ABLIM1: variants seen among roughly 807,000 people sequenced by gnomAD.
ABLIM1 encodes actin-binding LIM protein 1.
Under a neutral mutation model 107.0 loss-of-function variants are expected in ABLIM1, and 40 were observed. The ratio of observed to expected loss-of-function variants is 0.37; its 90% confidence interval spans 0.29 to 0.49. ABLIM1 has a LOEUF of 0.49. Ranked by LOEUF, ABLIM1 falls within the 20% of genes least tolerant of loss-of-function variation. The pLI is 0.97. For missense variants in ABLIM1, 857 were observed against 1,008.5 expected (o/e 0.85, Z 2.04); for synonymous variants, 357 against 357.3 (o/e 1.00, Z 0.01).
At chr10:114,711,558 G>C (rs938540536) in intron 1 of ABLIM1, among the ~76,000 whole-genome samples, 1 of 152,166 alleles carries the variant, frequency 6.6e-6, no homozygotes, top group African/African-American at 2.4e-5. Flanking sequence ...AATCAAACTG[G>C]AGAACTTGAA....
At chr10:114,553,631 C>A (rs1331426815) in intron 4 of ABLIM1, among the ~76,000 whole-genome samples, 1 of 152,200 alleles carries the variant, frequency 6.6e-6, no homozygotes, top group African/African-American at 2.4e-5. Flanking sequence ...GAAGGAGGAA[C>A]AGCCTCCCAC....
intron 1 of ABLIM1, among the ~76,000 whole-genome samples, chr10:114,630,456 C>A (rs1434767456): frequency 6.6e-6 from 1 of 152,148 alleles, no homozygotes; most frequent in Non-Finnish European, 1.5e-5. Context: ...ACTCAATTAC[C>A]ATTTACCCAC....
intron 6 of ABLIM1, among the ~76,000 whole-genome samples, chr10:114,508,178 G>A (rs2061407589): frequency 1.3e-5 from 2 of 151,584 alleles, no homozygotes; most frequent in African/African-American, 2.4e-5. Flanking sequence ...TGGGACAAAC[G>A]TATCACAAAT....
At chr10:114,773,918 T>C in the ABLIM1 span, among the ~76,000 whole-genome samples, 1 of 150,694 alleles carries the variant, frequency 6.6e-6, no homozygotes, top group Non-Finnish European at 1.5e-5. Flanking sequence ...AAGTATGAGA[T>C]AGAAGCAAGA....
At chr10:114,448,895 C>T (rs972016497) in intron 14 of ABLIM1, among the ~76,000 whole-genome samples, 1 of 152,162 alleles carries the variant, frequency 6.6e-6, no homozygotes, top group African/African-American at 2.4e-5. Context: ...CAGGCATGGG[C>T]CACCACACCC....
At chr10:114,747,404 T>C (rs1304319319) in intron 1 of ABLIM1, among the ~76,000 whole-genome samples, 1 of 152,136 alleles carries the variant, frequency 6.6e-6, no homozygotes, top group Admixed American at 6.5e-5. Flanking sequence ...TGTGCCTGTC[T>C]CTCCGCTCTG....
upstream of ABLIM1, among the ~76,000 whole-genome samples, chr10:114,772,030 G>A (rs1299258868): frequency 6.6e-6 from 1 of 152,100 alleles, no homozygotes; most frequent in Non-Finnish European, 1.5e-5. Context: ...AGCTTCTCAT[G>A]AGTAGCATGA....
intron 1 of ABLIM1, among the ~76,000 whole-genome samples, chr10:114,683,687 C>T (rs1372056051): frequency 6.6e-6 from 1 of 152,118 alleles, no homozygotes; most frequent in African/African-American, 2.4e-5. Context: ...TTAAGGGGTC[C>T]AGTATCAAAG....
chr10:114,506,149 TA>T (rs1193546318), intron 6 of ABLIM1, among the ~76,000 whole-genome samples: 1 of 152,240 alleles, frequency 6.6e-6, no homozygotes, highest in Non-Finnish European at 1.5e-5. Context: ...TCACCTAGGA[TA>T]ACAGCCTCCA....
chr10:114,491,004 G>GTA (rs1397165080), intron 7 of ABLIM1, among the ~76,000 whole-genome samples: 62 of 79,624 alleles, frequency 7.8e-4, no homozygotes, highest in Admixed American at 1.5e-3. Flanking sequence ...GTGTGTGTGT[G>GTA]TGTGTGTGTA....
intron 6 of ABLIM1, among the ~76,000 whole-genome samples, chr10:114,505,478 A>T (rs1412552360): frequency 2.0e-5 from 3 of 152,214 alleles, no homozygotes. Flanking sequence ...GCTCTGAGGG[A>T]ATCAGTTCTC....
At chr10:114,600,246 G>T (rs751603384) in intron 2 of ABLIM1, among the ~76,000 whole-genome samples, 1 of 152,124 alleles carries the variant, frequency 6.6e-6, no homozygotes, top group South Asian at 2.1e-4. Context: ...ATTTCCTCAT[G>T]GCCATCTTGG....
chr10:114,734,361 T>C (rs1055981882), intron 1 of ABLIM1, among the ~76,000 whole-genome samples: 1 of 152,220 alleles, frequency 6.6e-6, no homozygotes, highest in Non-Finnish European at 1.5e-5. Context: ...GCTAAATCCA[T>C]AACCTCACAT....
chr10:114,558,228 C>T (rs761406041), intron 4 of ABLIM1, among the ~76,000 whole-genome samples: 14 of 152,082 alleles, frequency 9.2e-5, no homozygotes, highest in Admixed American at 2.6e-4. Flanking sequence ...CCCATATCCA[C>T]GACCAGGATG....
chr10:114,557,574 A>G (rs1467990679), intron 4 of ABLIM1, among the ~76,000 whole-genome samples: 1 of 151,378 alleles, frequency 6.6e-6, no homozygotes, highest in African/African-American at 2.4e-5. Flanking sequence ...GCCATTGCAC[A>G]TTTTGAATTT....
In ABLIM1 at chr10:114,473,108, C is replaced by A; in HGVS notation, c.1144G>T (p.Asp382Tyr). The A allele has an allele frequency of 6.2e-7, 1 of 1,611,434 alleles. No homozygotes were observed. Among genetic ancestry groups the A allele is most frequent in the Non-Finnish European group, 8.5e-7 (1 of 1,178,642 alleles). The change falls in exon 10 of 23, where the codon GAT becomes TAT. Residue 382 changes from aspartate to tyrosine, a missense_variant. By Grantham distance (160) the Asp-to-Tyr change is radical (BLOSUM62 -3). Around this residue, in one of 5 missense-constraint regions of ABLIM1, gnomAD observed 381 missense variants for 506.9 expected, o/e 0.75. Transcript: ENST00000533213. ...IYAKVDNEILDYKDLAAIPKV... is the reference protein window; with the variant it reads ...IYAKVDNEILYYKDLAAIPKV... ...GGAATGGCTGCTAAATCCTTGTAAT[C>A]CAGGATCTCATTGTCTACTTTTGCC...
chr10:114,684,365 CAGGGTTTCAGCTTTTCTTCACT>C (rs2080875273), exon 1 of ABLIM1: 2 of 1,613,906 alleles, frequency 1.2e-6, no homozygotes, highest in African/African-American at 2.7e-5. Context: ...CACAAAGCTC[CAGGGTTTCAGCTTTTCTTCACT>C]AGGCATCTGG....
intron 1 of ABLIM1, among the ~76,000 whole-genome samples, chr10:114,608,694 A>G (rs113554566): frequency 0.019 from 2,877 of 151,790 alleles, 32 homozygotes; most frequent in Non-Finnish European, 0.028. Flanking sequence ...TAAACAAACA[A>G]ACAAACAAAA....
At chr10:114,509,013 C>A (rs2061501340) in intron 6 of ABLIM1, among the ~76,000 whole-genome samples, 1 of 152,176 alleles carries the variant, frequency 6.6e-6, no homozygotes, top group South Asian at 2.1e-4. Context: ...ATTACTATCC[C>A]CATGTTACAG....
Sources: allele counts gnomAD v4.1 joint callset (sites outside exome capture counted in the v4.1 genomes callset), GRCh38; gene constraint gnomAD v4.1.1; regional missense constraint gnomAD v4.1.1; transcripts MANE v1.5; gene names NCBI Gene and HGNC (gene_info 2026-07-23, HGNC 2026-07-21).